Variants in MACROD2 observed in about 807,000 individuals in gnomAD.
MACROD2 encodes the protein ADP-ribose glycohydrolase MACROD2.
Under a neutral mutation model 70.4 loss-of-function variants are expected in MACROD2, and 36 were observed. The observed-to-expected ratio is 0.51, with a 90% CI of 0.39 to 0.68. The LOEUF is 0.68. MACROD2 is among the 30% of genes least tolerant of loss of function. The probability of loss-of-function intolerance (pLI) is 0.00; values close to 1 mark genes in which losing one functional copy is unlikely to be tolerated. For missense variants in MACROD2, 496 were observed against 538.4 expected (o/e 0.92, Z 0.78); for synonymous variants, 172 against 178.8 (o/e 0.96, Z 0.30).
rs371140527 is a variant in MACROD2, at chr20:15,137,333, C to G, written c.419-92607C>G. On this transcript the variant is annotated intron_variant, in intron 5 of 17. Coordinates refer to ENST00000684519, the MANE Select transcript of MACROD2 (RefSeq NM_001351661.2). The stretch of plus-strand genomic sequence containing the variant: ...CCAGATGTCCAACAATGATAGACTG[C>G]ATTAAGAAAATGTGGCACATATACA... 1.2e-3 allele frequency among the ~76,000 whole-genome samples: 175 copies of G among 151,980 alleles called. 1 individual carries two copies. Among genetic ancestry groups the G allele is most frequent in the Non-Finnish European group, 8.4e-4 (57 of 67,982 alleles).
In MACROD2 at chr20:15,989,284, A is replaced by G. The variant is rs536777853; in HGVS notation, c.1153+2126A>G. On this transcript the variant is annotated intron_variant, in intron 15 of 17. Transcript: ENST00000684519. ...GTCACATATTTTACATTATCCTTCA[A>G]CAACAACAACTGGTTCTATCCATTT... Among the ~76,000 whole-genome samples the G allele has an allele frequency of 2.6e-5, 4 of 152,258 alleles. No homozygotes were observed. In the South Asian group the frequency reaches 8.3e-4, roughly 32 times the overall value.
At chr20:14,080,397 C>G (rs552260138) in intron 2 of MACROD2, among the ~76,000 whole-genome samples, 5 of 128,718 alleles carry the variant, frequency 3.9e-5, no homozygotes, top group African/African-American at 1.5e-4. Flanking sequence ...GAGCCGAGAT[C>G]GTGCCACTGC....
At chr20:15,168,887 G>T (rs2076404412) in intron 5 of MACROD2, among the ~76,000 whole-genome samples, 1 of 152,254 alleles carries the variant, frequency 6.6e-6, no homozygotes. Context: ...ATTATGTTTT[G>T]TGAAATAAAC....
At chr20:14,619,580 G>GA (rs368353334) in intron 4 of MACROD2, among the ~76,000 whole-genome samples, 1 of 151,110 alleles carries the variant, frequency 6.6e-6, no homozygotes, top group Admixed American at 6.6e-5. Context: ...GGAGGGAAAA[G>GA]AAAAAAAGGA....
At chr20:15,411,566 T>C (rs2046079646) in intron 6 of MACROD2, among the ~76,000 whole-genome samples, 1 of 152,238 alleles carries the variant, frequency 6.6e-6, no homozygotes. Context: ...TTGCATGGAT[T>C]TGAACAAGTC....
At chr20:14,719,473 G>GAAAAAAAAAAAAAGAAAAAAAAAAA (rs2071437623) in intron 5 of MACROD2, among the ~76,000 whole-genome samples, 1 of 136,322 alleles carries the variant, frequency 7.3e-6, no homozygotes, top group Non-Finnish European at 1.6e-5. Flanking sequence ...AAGATAGAAA[G>GAAAAAAAAAAAAAGAAAAAAAAAAA]AAAAAAAAAA....
intron 3 of MACROD2, among the ~76,000 whole-genome samples, chr20:14,311,272 G>T (rs2122518200): frequency 6.6e-6 from 1 of 152,170 alleles, no homozygotes; most frequent in East Asian, 1.9e-4. Flanking sequence ...CCTTTTCTAT[G>T]TTTAGTTATG....
At chr20:15,533,924 G>A (rs938071972) in intron 8 of MACROD2, among the ~76,000 whole-genome samples, 2 of 152,154 alleles carry the variant, frequency 1.3e-5, no homozygotes, top group African/African-American at 4.8e-5. Context: ...GAAGTGGGGA[G>A]GAGCTGATGG....
At chr20:15,034,153 G>A (rs959606456) in intron 5 of MACROD2, among the ~76,000 whole-genome samples, 1 of 152,114 alleles carries the variant, frequency 6.6e-6, no homozygotes, top group Non-Finnish European at 1.5e-5. Flanking sequence ...AATAAATGAC[G>A]CCAAGTGAGC....
intron 5 of MACROD2, chr20:15,023,071 G>A (rs2075201818): frequency 6.6e-6 from 1 of 151,888 alleles, no homozygotes; most frequent in Non-Finnish European, 1.5e-5. Context: ...ACTTTTACAA[G>A]ACCTTGGAGG....
intron 4 of MACROD2, among the ~76,000 whole-genome samples, chr20:14,615,707 G>A (rs1420246218): frequency 1.3e-5 from 2 of 152,112 alleles, no homozygotes; most frequent in Admixed American, 6.6e-5. Context: ...GTATTAGAAA[G>A]ATTAGCCTGG....
intron 6 of MACROD2, among the ~76,000 whole-genome samples, chr20:15,312,168 A>C (rs2077760297): frequency 6.6e-6 from 1 of 152,186 alleles, no homozygotes; most frequent in African/African-American, 2.4e-5. Context: ...CTATTTATTA[A>C]AACTACTTGT....
At chr20:14,357,892 C>A (rs2083187902) in intron 3 of MACROD2, among the ~76,000 whole-genome samples, 2 of 152,196 alleles carry the variant, frequency 1.3e-5, no homozygotes, top group Admixed American at 1.3e-4. Context: ...GGCTGTTTTG[C>A]CCCTCCTCCC....
chr20:14,873,060 G>GT (rs2073507953), intron 5 of MACROD2, among the ~76,000 whole-genome samples: 1 of 152,084 alleles, frequency 6.6e-6, no homozygotes, highest in Non-Finnish European at 1.5e-5. Flanking sequence ...TGAAGAATAT[G>GT]GAGATTACAA....
intron 6 of MACROD2, among the ~76,000 whole-genome samples, chr20:15,346,660 C>A (rs2078169549): frequency 6.6e-6 from 1 of 152,078 alleles, no homozygotes; most frequent in Non-Finnish European, 1.5e-5. Flanking sequence ...TGGTGTTTCT[C>A]CTTAAGGATA....
chr20:15,943,326 A>G (rs1251105235), intron 12 of MACROD2, among the ~76,000 whole-genome samples: 1 of 152,124 alleles, frequency 6.6e-6, no homozygotes, highest in Admixed American at 6.5e-5. Flanking sequence ...AAGGCCACCA[A>G]TGAATTCCTC....
At chr20:14,984,052 G>A (rs1167961992) in intron 5 of MACROD2, among the ~76,000 whole-genome samples, 1 of 152,168 alleles carries the variant, frequency 6.6e-6, no homozygotes. Flanking sequence ...CAGGGTAGAA[G>A]TTGGCTGCTG....
At chr20:14,278,541 T>G (rs1266151261) in intron 3 of MACROD2, among the ~76,000 whole-genome samples, 1 of 151,900 alleles carries the variant, frequency 6.6e-6, no homozygotes, top group African/African-American at 2.4e-5. Flanking sequence ...TTCAGCAATA[T>G]TTTTTCTTCT....
chr20:14,759,341 T>C (rs1158294461), intron 5 of MACROD2, among the ~76,000 whole-genome samples: 1 of 152,142 alleles, frequency 6.6e-6, no homozygotes, highest in Non-Finnish European at 1.5e-5. Context: ...ATAACTAATC[T>C]AGTACAAAAA....
Sources: allele counts gnomAD v4.1 joint callset (sites outside exome capture counted in the v4.1 genomes callset), GRCh38; gene constraint gnomAD v4.1.1; transcripts MANE v1.5; gene names NCBI Gene and HGNC (gene_info 2026-07-23, HGNC 2026-07-21).